Variants in CDH8 observed in about 807,000 individuals in gnomAD.
CDH8 encodes cadherin-8.
A neutral mutation model predicts 68.1 loss-of-function variants in CDH8; 17 were observed. The ratio of observed to expected loss-of-function variants is 0.25; its 90% CI spans 0.17 to 0.37. The LOEUF (loss-of-function observed/expected upper bound fraction) is 0.37, where lower values mean the gene tolerates loss of function less well. Ranked by LOEUF, CDH8 falls within the 10% of genes least tolerant of loss-of-function variation. CDH8 has a pLI of 1.00. For missense variants in CDH8, 763 were observed against 999.3 expected, an observed-to-expected ratio of 0.76 and a Z score of 3.19; for synonymous variants, 372 against 365.1, an observed-to-expected ratio of 1.02 and a Z score of -0.21.
chr16:61,817,358 C>T, intron 7 of CDH8, 121 bp downstream of exon 7: 3 of 895,818 alleles, frequency 3.3e-6, no homozygotes, highest in Admixed American at 4.0e-5. Flanking sequence ...TGCCAACCAA[C>T]ATTATTTGGT....
chr16:61,980,514 G>A (rs1965512071), intron 2 of CDH8, among the ~76,000 whole-genome samples: 1 of 152,080 alleles, frequency 6.6e-6, no homozygotes, highest in South Asian at 2.1e-4. Context: ...TAAGGGCCCT[G>A]GGAGTATTTA....
intron 2 of CDH8, among the ~76,000 whole-genome samples, chr16:61,980,567 T>G (rs1321470636): frequency 6.6e-6 from 1 of 152,168 alleles, no homozygotes; most frequent in Non-Finnish European, 1.5e-5. Context: ...AACCCTCAGG[T>G]CAGTTATGAT....
At chr16:61,694,786 G>GTGT (rs2142837741) in intron 10 of CDH8, among the ~76,000 whole-genome samples, 1 of 152,032 alleles carries the variant, frequency 6.6e-6, no homozygotes, top group African/African-American at 2.4e-5. Context: ...GGTGGTGGTG[G>GTGT]TGGTGGTGGT....
intron 7 of CDH8, among the ~76,000 whole-genome samples, chr16:61,809,215 A>T (rs1961879649): frequency 6.6e-6 from 1 of 152,170 alleles, no homozygotes; most frequent in Admixed American, 6.6e-5. Flanking sequence ...ACTAAAAAAA[A>T]ACAAAAAAAG....
chr16:61,698,800 G>GT (rs1282689719), intron 10 of CDH8, among the ~76,000 whole-genome samples: 1 of 152,020 alleles, frequency 6.6e-6, no homozygotes, highest in African/African-American at 2.4e-5. Flanking sequence ...TCTTTCTTTG[G>GT]TTTTTTTCAT....
At chr16:61,742,840 C>T (rs1224547917) in intron 8 of CDH8, among the ~76,000 whole-genome samples, 4 of 152,138 alleles carry the variant, frequency 2.6e-5, no homozygotes, top group Non-Finnish European at 5.9e-5. Context: ...AATGCTCCCT[C>T]TTTTACTTTT....
intron 3 of CDH8, among the ~76,000 whole-genome samples, chr16:61,895,264 G>C (rs1963851061): frequency 1.3e-5 from 2 of 152,030 alleles, no homozygotes; most frequent in South Asian, 2.1e-4. Flanking sequence ...GAATTATCTA[G>C]AGATATAATC....
At chr16:61,881,382 A>G (rs1205436670) in intron 3 of CDH8, among the ~76,000 whole-genome samples, 3 of 152,172 alleles carry the variant, frequency 2.0e-5, no homozygotes, top group Admixed American at 6.5e-5. Context: ...TTGGAGAGTG[A>G]ATTAAAAAAT....
At chr16:61,884,132 T>C (rs1963628421) in intron 3 of CDH8, among the ~76,000 whole-genome samples, 1 of 152,052 alleles carries the variant, frequency 6.6e-6, no homozygotes, top group African/African-American at 2.4e-5. Context: ...AACTTGAAAG[T>C]TCCCACTTAG....
intron 10 of CDH8, among the ~76,000 whole-genome samples, chr16:61,687,733 C>G (rs1964136918): frequency 6.6e-6 from 1 of 151,944 alleles, no homozygotes; most frequent in Admixed American, 6.6e-5. Flanking sequence ...ACTAAGTGCC[C>G]TGGGCAAGTT....
chr16:61,979,455 C>T (rs1340219090), intron 2 of CDH8, among the ~76,000 whole-genome samples: 1 of 152,154 alleles, frequency 6.6e-6, no homozygotes, highest in Non-Finnish European at 1.5e-5. Flanking sequence ...ATCTTGCAAA[C>T]AGGGCAGACA....
intron 8 of CDH8, among the ~76,000 whole-genome samples, chr16:61,784,334 CAAAG>C (rs1961173121): frequency 6.7e-6 from 1 of 149,516 alleles, no homozygotes; most frequent in African/African-American, 2.4e-5. Flanking sequence ...TCAAAAGAGA[CAAAG>C]AAGGCCATTA....
In CDH8 at chr16:61,649,220, G is replaced by A. The variant is rs1171132526; in HGVS notation, c.*4388C>T. 6.6e-6 allele frequency: 1 copy of A among 151,824 alleles called. No individual in the cohort carries two copies. Among genetic ancestry groups the A allele is most frequent in the African/African-American group, 2.4e-5 (1 of 41,352 alleles). The allele number at this position is 151,824 out of a possible 1,614,324, so 9.4% of individuals were successfully genotyped here. A position where few individuals can be genotyped will look rare whatever the true frequency, so the allele number is the denominator to read the frequency against. On this transcript the variant is annotated 3_prime_UTR_variant, in exon 12 of 12. Transcript: ENST00000577390. ...ATTTAATTCTAATCCCAGGTATTAT[G>A]AGCCATTATTCTGTTCACAAATAAA...
chr16:62,000,736 C>G (rs1965880717), intron 2 of CDH8, among the ~76,000 whole-genome samples: 1 of 152,152 alleles, frequency 6.6e-6, no homozygotes, highest in South Asian at 2.1e-4. Context: ...TCTCATTTCA[C>G]TGAGCTGTTT....
intron 8 of CDH8, among the ~76,000 whole-genome samples, chr16:61,753,701 T>A (rs1313706882): frequency 6.6e-6 from 1 of 152,048 alleles, no homozygotes; most frequent in Non-Finnish European, 1.5e-5. Context: ...ATAGTTTGGA[T>A]TTTTTAATTA....
chr16:61,662,826 T>C (rs1278263591), intron 10 of CDH8, among the ~76,000 whole-genome samples: 2 of 151,906 alleles, frequency 1.3e-5, no homozygotes, highest in East Asian at 3.9e-4. Context: ...GATTTTGATA[T>C]CCACAGGAAC....
intron 2 of CDH8, among the ~76,000 whole-genome samples, chr16:61,952,459 C>T (rs1300543932): frequency 3.9e-5 from 6 of 152,032 alleles, no homozygotes; most frequent in Non-Finnish European, 8.8e-5. Context: ...GGAGAAGTGC[C>T]AGGGAGAGCT....
intron 4 of CDH8, among the ~76,000 whole-genome samples, chr16:61,856,245 T>A (rs954812409): frequency 3.3e-5 from 5 of 152,052 alleles, no homozygotes; most frequent in African/African-American, 1.2e-4. Flanking sequence ...GAAACTTACA[T>A]ACAATACCAC....
chr16:61,886,611 A>G (rs1320314337), intron 3 of CDH8, among the ~76,000 whole-genome samples: 1 of 152,226 alleles, frequency 6.6e-6, no homozygotes, highest in Non-Finnish European at 1.5e-5. Flanking sequence ...CCAGAGACTA[A>G]GCAAACCAAC....
Sources: allele counts gnomAD v4.1 joint callset (sites outside exome capture counted in the v4.1 genomes callset), GRCh38; gene constraint gnomAD v4.1.1; transcripts MANE v1.5; gene names NCBI Gene and HGNC (gene_info 2026-07-23, HGNC 2026-07-21).